Variants in PRKCE observed in about 807,000 individuals in gnomAD.
The protein encoded by PRKCE is protein kinase C epsilon.
PRKCE carries 16 observed loss-of-function variants against 85.4 expected under a neutral mutation model. The observed-to-expected ratio is 0.19, with a 90% CI of 0.13 to 0.28. The LOEUF is 0.28. PRKCE is among the 10% of genes least tolerant of loss of function. The probability of loss-of-function intolerance (pLI) is 1.00; values close to 1 mark genes in which losing one functional copy is unlikely to be tolerated. For synonymous variants in PRKCE, 388 were observed against 371.5 expected, an observed-to-expected ratio of 1.04 and a Z score of -0.51; for missense variants, 573 against 975.2, an observed-to-expected ratio of 0.59 and a Z score of 5.49.
chr2:45,793,649 A>G lies in PRKCE; in HGVS notation c.349-49351A>G, dbSNP rs562127474. ...TGAGCATATGTTGGGCAGTTAGCCA[A>G]TTCCAGGTGTAGAGTTTTGTTTTCA... On this transcript the variant is annotated intron_variant, in intron 1 of 14. Transcript: ENST00000306156. 5.3e-5 allele frequency among the ~76,000 whole-genome samples: 8 copies of G among 152,326 alleles called. No individual in the cohort carries two copies. In the East Asian group the frequency reaches 1.5e-3, roughly 29 times the overall value.
intron 10 of PRKCE, among the ~76,000 whole-genome samples, chr2:46,049,764 C>A (rs755607249): frequency 2.0e-5 from 3 of 152,226 alleles, no homozygotes; most frequent in Non-Finnish European, 4.4e-5. Context: ...GCGTTTCCTT[C>A]TGCCCAGTTC....
intron 1 of PRKCE, among the ~76,000 whole-genome samples, chr2:45,797,465 C>T (rs1687534026): frequency 6.6e-6 from 1 of 152,202 alleles, no homozygotes; most frequent in Non-Finnish European, 1.5e-5. Flanking sequence ...TGCAGAAGTG[C>T]CTTTTACAGT....
chr2:45,857,199 C>T (rs1013026992), intron 2 of PRKCE, among the ~76,000 whole-genome samples: 1 of 152,190 alleles, frequency 6.6e-6, no homozygotes, highest in Non-Finnish European at 1.5e-5. Flanking sequence ...CCCTAAGTTG[C>T]ACGTGATGCT....
rs189222826 is a variant in PRKCE, at chr2:45,981,780, G to T, written c.693+1399G>T. ...GTATGTCCTGTATGACAGGCGTTATGCTGTGTCCCATGGAAACAAAGAGGA... is the reference window on the plus strand; with the variant it reads ...GTATGTCCTGTATGACAGGCGTTATTCTGTGTCCCATGGAAACAAAGAGGA... On this transcript the variant is annotated intron_variant, in intron 5 of 14. Coordinates refer to ENST00000306156, the MANE Select transcript of PRKCE (RefSeq NM_005400.3). 2.7e-3 allele frequency among the ~76,000 whole-genome samples: 417 copies of T among 152,264 alleles called. 4 individuals are homozygous for T. The highest frequency in any genetic ancestry group is 1.4e-3 in the Non-Finnish European group (95 of 68,016).
chr2:45,726,160 A>G (rs1681054904), intron 1 of PRKCE, among the ~76,000 whole-genome samples: 2 of 152,228 alleles, frequency 1.3e-5, no homozygotes, highest in African/African-American at 4.8e-5. Flanking sequence ...AGATTCTGTG[A>G]ATAACGTTGA....
chr2:45,783,399 C>G (rs1020114151), intron 1 of PRKCE, among the ~76,000 whole-genome samples: 2 of 152,160 alleles, frequency 1.3e-5, no homozygotes, highest in African/African-American at 2.4e-5. Context: ...GAAGGCTGCA[C>G]CCTGTTGGTT....
At chr2:45,737,408 C>T (rs946273934) in intron 1 of PRKCE, among the ~76,000 whole-genome samples, 3 of 152,168 alleles carry the variant, frequency 2.0e-5, no homozygotes, top group Admixed American at 6.5e-5. Context: ...TGCTCTTCTT[C>T]GGAGCACTCA....
chr2:45,689,765 G>A (rs891968217), intron 1 of PRKCE, among the ~76,000 whole-genome samples: 10 of 151,910 alleles, frequency 6.6e-5, no homozygotes, highest in Non-Finnish European at 7.4e-5. Flanking sequence ...GCATGGTGGT[G>A]TGTGACTGTA....
intron 14 of PRKCE, among the ~76,000 whole-genome samples, chr2:46,178,191 C>T (rs868233011): frequency 1.3e-5 from 2 of 152,108 alleles, no homozygotes; most frequent in East Asian, 1.9e-4. Flanking sequence ...ACCCGGGAGG[C>T]GGAGGTTGCA....
rs1356081652 is a variant in PRKCE at position 46,145,680 on chromosome 2, C to A, written c.1731+449C>A. 6.6e-6 allele frequency among the ~76,000 whole-genome samples: 1 copy of A among 152,072 alleles called. No homozygotes were observed. Among genetic ancestry groups the A allele is most frequent in the Non-Finnish European group, 1.5e-5 (1 of 68,018 alleles). On this transcript the variant is annotated intron_variant, in intron 12 of 14. Transcript: ENST00000306156. The surrounding 1 kb of genome is among the most constrained non-coding windows in gnomAD (Gnocchi z 4.6). ...CCCAGGAGTTCAAGACCAGCCGGGG[C>A]AACATGGTGAAACCCTGTCTATATA...
At chr2:46,183,673 C>T (rs974256396) in intron 14 of PRKCE, among the ~76,000 whole-genome samples, 2 of 152,216 alleles carry the variant, frequency 1.3e-5, no homozygotes, top group Non-Finnish European at 2.9e-5. Context: ...GTGTATGCAT[C>T]TTTTGTCTTC....
chr2:45,826,564 G>A (rs1313735700), intron 1 of PRKCE, among the ~76,000 whole-genome samples: 1 of 152,160 alleles, frequency 6.6e-6, no homozygotes, highest in Non-Finnish European at 1.5e-5. Flanking sequence ...CCATCTATCT[G>A]CTGCCAACTA....
At chr2:45,724,908 G>A (rs186816775) in intron 1 of PRKCE, among the ~76,000 whole-genome samples, 15 of 152,238 alleles carry the variant, frequency 9.9e-5, no homozygotes, top group African/African-American at 2.4e-5. Flanking sequence ...GAAGCAGCAA[G>A]TGCTGATGGA....
At chr2:46,069,864 C>T (rs1234873344) in intron 10 of PRKCE, among the ~76,000 whole-genome samples, 3 of 152,126 alleles carry the variant, frequency 2.0e-5, no homozygotes, top group African/African-American at 2.4e-5. Context: ...TTCTAGCGGT[C>T]ACCTATTCCC....
At chr2:45,755,152 C>A (rs991503831) in intron 1 of PRKCE, among the ~76,000 whole-genome samples, 1 of 152,174 alleles carries the variant, frequency 6.6e-6, no homozygotes, top group Non-Finnish European at 1.5e-5. Flanking sequence ...TTCTGATAGT[C>A]ACCCTTGCAC....
At chr2:46,136,617 G>C (rs1675032025) in intron 11 of PRKCE, among the ~76,000 whole-genome samples, 1 of 152,162 alleles carries the variant, frequency 6.6e-6, no homozygotes, top group African/African-American at 2.4e-5. Flanking sequence ...GTTGTGGGAA[G>C]GAAAGGAATA....
intron 1 of PRKCE, among the ~76,000 whole-genome samples, chr2:45,768,400 G>A (rs1174101442): frequency 1.3e-5 from 2 of 152,084 alleles, no homozygotes; most frequent in African/African-American, 2.4e-5. Flanking sequence ...AACAGTTCAG[G>A]GACCATATCA....
intron 11 of PRKCE, among the ~76,000 whole-genome samples, chr2:46,115,237 TC>T (rs1672655459): frequency 6.6e-6 from 1 of 152,256 alleles, no homozygotes; most frequent in Non-Finnish European, 1.5e-5. Context: ...CACCTTGGCC[TC>T]TTGCCATCTG....
intron 1 of PRKCE, among the ~76,000 whole-genome samples, chr2:45,764,823 T>G (rs1410079986): frequency 6.6e-6 from 1 of 152,210 alleles, no homozygotes; most frequent in Non-Finnish European, 1.5e-5. Flanking sequence ...ATATATATTT[T>G]AAACCCATTA....
Sources: allele counts gnomAD v4.1 joint callset (sites outside exome capture counted in the v4.1 genomes callset), GRCh38; gene constraint gnomAD v4.1.1; non-coding constraint Gnocchi (gnomAD v3.1); transcripts MANE v1.5; gene names NCBI Gene and HGNC (gene_info 2026-07-23, HGNC 2026-07-21).